Variants in NBEA observed in about 807,000 individuals in gnomAD.
The protein encoded by NBEA is lysosomal-trafficking regulator 2.
A neutral mutation model predicts 343.4 loss-of-function variants in NBEA; 44 were observed. The observed-to-expected ratio is 0.13, with a 90% confidence interval of 0.10 to 0.16. NBEA has a LOEUF of 0.16. Ranked by LOEUF, NBEA falls within the 10% of genes least tolerant of loss-of-function variation. The pLI, the probability that NBEA is intolerant of heterozygous loss-of-function variation, is 1.00. For synonymous variants in NBEA, 1,175 were observed against 1,238.7 expected, an observed-to-expected ratio of 0.95 and a Z score of 1.08; for missense variants, 2,555 against 3,631.3, an observed-to-expected ratio of 0.70 and a Z score of 7.62.
chr13:35,378,870 A>G (rs1203646143), intron 38 of NBEA, among the ~76,000 whole-genome samples: 1 of 152,072 alleles, frequency 6.6e-6, no homozygotes, highest in Admixed American at 6.6e-5. Context: ...GTTTACCCTT[A>G]CATTTATAAA....
At chr13:35,596,037 T>C (rs986625888) in intron 47 of NBEA, among the ~76,000 whole-genome samples, 2 of 151,980 alleles carry the variant, frequency 1.3e-5, no homozygotes, top group African/African-American at 4.8e-5. Flanking sequence ...CCATTGCAAG[T>C]AGGGTTTCTT....
intron 1 of NBEA, among the ~76,000 whole-genome samples, chr13:34,966,953 C>T (rs2059839830): frequency 6.7e-6 from 1 of 150,332 alleles, no homozygotes; most frequent in Non-Finnish European, 1.5e-5. Context: ...TTTCAACTAA[C>T]CTTTCTTTTT....
At chr13:35,634,430 G>C (rs1448510131) in intron 49 of NBEA, among the ~76,000 whole-genome samples, 1 of 152,170 alleles carries the variant, frequency 6.6e-6, no homozygotes, top group Non-Finnish European at 1.5e-5. Flanking sequence ...AGTTGTACTG[G>C]TTCAGCAAGA....
chr13:35,056,090 A>G lies in NBEA; in HGVS notation c.1053A>G (p.Val351=). The G allele has an allele frequency of 6.2e-7, 1 of 1,606,424 alleles. No homozygotes were observed. The change falls in exon 7 of 59, where the codon GTA becomes GTG. Residue 351 remains valine, a synonymous_variant. Transcript: ENST00000379939. ...EIRCYVNGQL[V]SYGDMAWHVN... ...GGTGTTATGTTAATGGACAACTGGT[A>G]TCTTATGGTGATATGGCTTGGCATG...
chr13:35,520,220 T>C (rs2077646043), intron 41 of NBEA, among the ~76,000 whole-genome samples: 3 of 152,110 alleles, frequency 2.0e-5, no homozygotes, highest in African/African-American at 7.2e-5. Flanking sequence ...GGCCTGGAGG[T>C]TGGGGACTCT....
rs1387680840 is a variant in NBEA, at chr13:34,942,867, C to T, written c.47C>T (p.Pro16Leu). 10 of 1,409,614 alleles carry T rather than the reference C, an allele frequency of 7.1e-6. No homozygotes were observed. In the Admixed American group the frequency reaches 1.1e-4, roughly 15 times the overall value. The allele number at this position is 1,409,614 out of a possible 1,614,324, so 87.3% of individuals were successfully genotyped here. The change falls in exon 1 of 59, where the codon CCC (proline) becomes CTC (leucine). Residue 16 changes from proline (P) to leucine (L), a missense_variant. By Grantham distance (98) the Pro-to-Leu change is moderately conservative (BLOSUM62 -3). This residue lies in a region of NBEA where 122 missense variants were observed against 91.0 expected (regional missense o/e 1.34). Transcript: ENST00000379939. Reference sequence around the variant, plus strand: ...CCGGGCCCGGGGCTCGAGCCTCAGCCCGTGGGGCTCATTGCCGTCGGGGCC... The same window carrying T: ...CCGGGCCCGGGGCTCGAGCCTCAGCTCGTGGGGCTCATTGCCGTCGGGGCC... Reference protein sequence around the residue: ...PGPGPGLEPQPVGLIAVGAAG... With the variant: ...PGPGPGLEPQLVGLIAVGAAG...
At chr13:35,010,529 C>T (rs570636555) in intron 1 of NBEA, among the ~76,000 whole-genome samples, 8 of 142,860 alleles carry the variant, frequency 5.6e-5, no homozygotes, top group Admixed American at 1.4e-4. Context: ...TGCAGTGAGC[C>T]GAGATTGTGC....
intron 31 of NBEA, among the ~76,000 whole-genome samples, chr13:35,201,347 A>G (rs1444041903): frequency 4.6e-5 from 7 of 152,078 alleles, no homozygotes; most frequent in Admixed American, 4.6e-4. Context: ...TGTTTCTTAA[A>G]CATATTTTTT....
chr13:35,275,161 A>G (rs1255207407), intron 34 of NBEA, among the ~76,000 whole-genome samples: 1 of 152,206 alleles, frequency 6.6e-6, no homozygotes, highest in African/African-American at 2.4e-5. Context: ...AAACAGACAT[A>G]TAGACCAAAG....
At position 35,223,588 on chromosome 13, in the gene NBEA, T is replaced by C. The variant is rs563800588; in HGVS notation, c.5649-8904T>C. Reference sequence around the variant, plus strand: ...TCTTTATATTTGAATTTCAGCAGTGTATTATGTTACATATTTTTTTACTTA... The same window carrying C: ...TCTTTATATTTGAATTTCAGCAGTGCATTATGTTACATATTTTTTTACTTA... On this transcript the variant is annotated intron_variant, in intron 33 of 58. Transcript: ENST00000379939. Among the ~76,000 whole-genome samples, 3 of 152,294 alleles carry C rather than the reference T, an allele frequency of 2.0e-5. No homozygotes were observed. In the East Asian group the frequency reaches 5.8e-4, roughly 29 times the overall value.
chr13:35,653,622 C>T (rs1011226567), intron 53 of NBEA, among the ~76,000 whole-genome samples: 2 of 152,164 alleles, frequency 1.3e-5, no homozygotes, highest in Non-Finnish European at 2.9e-5. Flanking sequence ...TGAGCCACCA[C>T]GCGCAGCCTC....
At chr13:35,471,840 G>T (rs909643302) in intron 40 of NBEA, among the ~76,000 whole-genome samples, 1 of 152,058 alleles carries the variant, frequency 6.6e-6, no homozygotes, top group African/African-American at 2.4e-5. Flanking sequence ...GTATGCACGC[G>T]TATGTATGTG....
intron 1 of NBEA, among the ~76,000 whole-genome samples, chr13:35,010,576 C>CA (rs1194549300): frequency 0.14 from 8,820 of 64,570 alleles, 475 homozygotes; most frequent in African/African-American, 0.2. Flanking sequence ...GACCCTGTCT[C>CA]AAAAAAAAAA....
At chr13:35,362,721 A>C (rs1430743766) in intron 38 of NBEA, among the ~76,000 whole-genome samples, 1 of 152,046 alleles carries the variant, frequency 6.6e-6, no homozygotes, top group Non-Finnish European at 1.5e-5. Flanking sequence ...AGAGCTATGT[A>C]AATGTACATA....
intron 41 of NBEA, among the ~76,000 whole-genome samples, chr13:35,536,504 A>ATG (rs1171315535): frequency 6.6e-6 from 1 of 152,154 alleles, no homozygotes; most frequent in Non-Finnish European, 1.5e-5. Flanking sequence ...GTTCCTATAT[A>ATG]TGTGTGTGTA....
intron 41 of NBEA, among the ~76,000 whole-genome samples, chr13:35,535,094 CCT>C (rs1176721957): frequency 7.4e-6 from 1 of 134,642 alleles, no homozygotes; most frequent in East Asian, 2.0e-4. Flanking sequence ...ATCTCTAAAT[CCT>C]CTTTTTACCC....
intron 38 of NBEA, among the ~76,000 whole-genome samples, chr13:35,410,637 A>G (rs2043527519): frequency 6.6e-6 from 1 of 152,182 alleles, no homozygotes; most frequent in South Asian, 2.1e-4. Context: ...TTTGTAAGTG[A>G]TACCAGCCAT....
intron 11 of NBEA, 127 bp downstream of exon 11, chr13:35,098,532 C>A: frequency 3.5e-6 from 2 of 568,862 alleles, no homozygotes; most frequent in Non-Finnish European, 6.0e-6. Context: ...TGCTAATTCA[C>A]AAACGTCTTA....
intron 49 of NBEA, among the ~76,000 whole-genome samples, chr13:35,642,079 A>G (rs1337193689): frequency 6.6e-6 from 1 of 152,198 alleles, no homozygotes; most frequent in Non-Finnish European, 1.5e-5. Context: ...CAATGGCTGC[A>G]TGGTCTTTTG....
Sources: gnomAD v4.1 joint callset for allele counts (sites outside exome capture counted in the v4.1 genomes callset) on GRCh38, gnomAD v4.1.1 for gene constraint, gnomAD v4.1.1 regional missense constraint, MANE v1.5 for transcripts, NCBI Gene and HGNC (gene_info 2026-07-23, HGNC 2026-07-21) for gene names.